Variants in CSMD3 observed in about 807,000 individuals in gnomAD.
The protein encoded by CSMD3 is CUB and Sushi multiple domains 3.
Under a neutral mutation model 435.2 loss-of-function variants are expected in CSMD3, and 177 were observed. The ratio of observed to expected loss-of-function variants is 0.41; its 90% CI spans 0.36 to 0.46. The LOEUF (loss-of-function observed/expected upper bound fraction) is 0.46, where lower values mean the gene tolerates loss of function less well. CSMD3 is among the 20% of genes least tolerant of loss of function. The pLI is 0.34. For synonymous variants in CSMD3, 1,656 were observed against 1,520.5 expected (o/e 1.09, Z -2.07); for missense variants, 4,265 against 4,504.6 (o/e 0.95, Z 1.52).
chr8:112,281,934 A>G (rs1433316266), intron 58 of CSMD3, among the ~76,000 whole-genome samples: 1 of 152,096 alleles, frequency 6.6e-6, no homozygotes, highest in Non-Finnish European at 1.5e-5. Flanking sequence ...GTTTTCATTA[A>G]GTTTCAATAT....
chr8:112,614,886 G>A (rs1481654106), intron 22 of CSMD3, among the ~76,000 whole-genome samples: 2 of 151,908 alleles, frequency 1.3e-5, no homozygotes, highest in African/African-American at 4.8e-5. Flanking sequence ...TTCAGATACC[G>A]TGTTTAAGTT....
Position 112,506,823 on chromosome 8 carries a change from C to A in CSMD3, c.4763G>T (p.Cys1588Phe). The A allele has an allele frequency of 6.2e-7, 1 of 1,612,522 alleles. No individual in the cohort carries two copies. The stretch of plus-strand genomic sequence containing the variant: ...TGAAGATCCTGTTAAATTGCCTCCA[C>A]AGGGTGCTTTAATTTAAACAAACAA... ...QPSPPVCIAP[C>F]GGNLTGSSGF... is the part of the protein sequence containing the mutation. The change falls in exon 29 of 71, where the codon TGT becomes TTT. Residue 1588 changes from cysteine (C) to phenylalanine (F), a missense_variant. Physicochemically the swap from Cys to Phe is radical, Grantham distance 205. Transcript: ENST00000297405.
At chr8:112,850,365 A>G (rs954915617) in intron 11 of CSMD3, among the ~76,000 whole-genome samples, 2 of 152,176 alleles carry the variant, frequency 1.3e-5, no homozygotes, top group Non-Finnish European at 2.9e-5. Flanking sequence ...CAAATATACA[A>G]TATTCTTGAT....
At chr8:113,279,707 T>A (rs1290321394) in intron 2 of CSMD3, among the ~76,000 whole-genome samples, 1 of 151,800 alleles carries the variant, frequency 6.6e-6, no homozygotes, top group Non-Finnish European at 1.5e-5. Flanking sequence ...AATAGCTGTA[T>A]CATTATGAGG....
chr8:112,466,403 G>GA (rs779273458), intron 32 of CSMD3, among the ~76,000 whole-genome samples: 1 of 151,970 alleles, frequency 6.6e-6, no homozygotes, highest in Non-Finnish European at 1.5e-5. Context: ...TTGCTGAATT[G>GA]TTAAAAAAAA....
intron 22 of CSMD3, among the ~76,000 whole-genome samples, chr8:112,607,668 A>G (rs1326344538): frequency 6.6e-6 from 1 of 152,198 alleles, no homozygotes; most frequent in Non-Finnish European, 1.5e-5. Context: ...CTGTACAGAT[A>G]CTAATAAACA....
chr8:112,849,420 G>T (rs2080421838), intron 11 of CSMD3, among the ~76,000 whole-genome samples: 1 of 151,880 alleles, frequency 6.6e-6, no homozygotes, highest in African/African-American at 2.4e-5. Flanking sequence ...TGGAAGAATT[G>T]TCTAATTAAA....
intron 9 of CSMD3, among the ~76,000 whole-genome samples, chr8:112,940,613 G>C (rs2083423891): frequency 6.6e-6 from 1 of 151,630 alleles, no homozygotes; most frequent in South Asian, 2.1e-4. Flanking sequence ...ATATTCTATA[G>C]GTATTTCAAA....
intron 13 of CSMD3, among the ~76,000 whole-genome samples, chr8:112,711,899 A>T (rs1000588015): frequency 6.6e-6 from 1 of 152,056 alleles, no homozygotes; most frequent in Non-Finnish European, 1.5e-5. Flanking sequence ...AGTATCTGGT[A>T]CTACAGGAGC....
chr8:113,356,661 G>A (rs2094230857), intron 1 of CSMD3, among the ~76,000 whole-genome samples: 2 of 152,050 alleles, frequency 1.3e-5, no homozygotes, highest in African/African-American at 4.8e-5. Flanking sequence ...CAAAAAAATA[G>A]AAAGCATAGT....
At chr8:113,261,293 C>T (rs1023941990) in intron 3 of CSMD3, among the ~76,000 whole-genome samples, 2 of 152,050 alleles carry the variant, frequency 1.3e-5, no homozygotes, top group East Asian at 1.9e-4. Flanking sequence ...AATGTCTGCA[C>T]AAAATGTTTG....
At chr8:112,640,682 T>A (rs1443619345) in intron 20 of CSMD3, among the ~76,000 whole-genome samples, 1 of 151,986 alleles carries the variant, frequency 6.6e-6, no homozygotes, top group African/African-American at 2.4e-5. Context: ...TCAAATCTTC[T>A]ATAGTATAAA....
At chr8:112,337,238 T>G (rs1377954666) in intron 43 of CSMD3, among the ~76,000 whole-genome samples, 1 of 152,116 alleles carries the variant, frequency 6.6e-6, no homozygotes, top group Non-Finnish European at 1.5e-5. Context: ...GGGTTAGTGG[T>G]TTATGTAAGA....
At chr8:113,274,035 G>A (rs941058695) in intron 3 of CSMD3, among the ~76,000 whole-genome samples, 14 of 151,742 alleles carry the variant, frequency 9.2e-5, no homozygotes, top group African/African-American at 2.4e-4. Context: ...ATTTGATAGC[G>A]GTCTTTATTA....
chr8:112,703,563 T>C (rs1159578680), intron 13 of CSMD3, among the ~76,000 whole-genome samples: 1 of 152,124 alleles, frequency 6.6e-6, no homozygotes, highest in African/African-American at 2.4e-5. Flanking sequence ...TAAAGTGACA[T>C]AGAACTACTC....
chr8:112,944,891 T>C (rs2083557109), intron 9 of CSMD3, among the ~76,000 whole-genome samples: 1 of 151,574 alleles, frequency 6.6e-6, no homozygotes, highest in African/African-American at 2.4e-5. Flanking sequence ...TTATTTTAAA[T>C]GATGTTATCT....
intron 31 of CSMD3, among the ~76,000 whole-genome samples, chr8:112,485,170 A>T (rs1586478413): frequency 1.3e-5 from 2 of 152,268 alleles, no homozygotes; most frequent in East Asian, 3.9e-4. Context: ...CATTTAAATA[A>T]TAATTTTCCC....
At chr8:113,305,634 C>G (rs1392341185) in intron 2 of CSMD3, among the ~76,000 whole-genome samples, 1 of 152,128 alleles carries the variant, frequency 6.6e-6, no homozygotes, top group Non-Finnish European at 1.5e-5. Context: ...GGCAAAATGC[C>G]TGGTATAAAC....
chr8:112,752,553 C>T (rs1207000529), intron 13 of CSMD3, among the ~76,000 whole-genome samples: 1 of 152,148 alleles, frequency 6.6e-6, no homozygotes, highest in African/African-American at 2.4e-5. Context: ...ACAATATCAT[C>T]ATATTGCAAA....
Sources: gnomAD v4.1 joint callset for allele counts (sites outside exome capture counted in the v4.1 genomes callset) on GRCh38, gnomAD v4.1.1 for gene constraint, MANE v1.5 for transcripts, NCBI Gene and HGNC (gene_info 2026-07-23, HGNC 2026-07-21) for gene names.